ZNF365: variants seen among roughly 807,000 people sequenced by gnomAD.
ZNF365 encodes zinc finger protein 365.
A neutral mutation model predicts 35.0 loss-of-function variants in ZNF365; 22 were observed. That is an observed-to-expected ratio of 0.63 (90% confidence interval 0.45 to 0.90). The LOEUF is 0.90. ZNF365 is among the 40% of genes least tolerant of loss of function. ZNF365 has a pLI of 0.00. For synonymous variants in ZNF365, 188 were observed against 196.2 expected (o/e 0.96, Z 0.35); for missense variants, 448 against 500.3 (o/e 0.90, Z 1.00).
At chr10:62,404,261 A>G (rs1298782838), downstream of ZNF365, among the ~76,000 whole-genome samples, 3 of 152,228 alleles carry the variant, frequency 2.0e-5, no homozygotes, top group Non-Finnish European at 4.4e-5. Context: ...CTTTGGTACC[A>G]ATGTCCTGTG....
At chr10:62,419,580 T>C (rs1840134226) in intron 3 of ZNF365, among the ~76,000 whole-genome samples, 1 of 152,030 alleles carries the variant, frequency 6.6e-6, no homozygotes, top group Admixed American at 6.6e-5. Flanking sequence ...CACTGATTAA[T>C]GATTGGGTGC....
chr10:62,455,926 T>C (rs1043452246), intron 3 of ZNF365, among the ~76,000 whole-genome samples: 1 of 152,200 alleles, frequency 6.6e-6, no homozygotes, highest in African/African-American at 2.4e-5. Context: ...GCCTGTACCA[T>C]GAAATCGTGA....
intron 3 of ZNF365, among the ~76,000 whole-genome samples, chr10:62,394,940 G>A (rs772054402): frequency 5.3e-5 from 8 of 152,194 alleles, no homozygotes; most frequent in Non-Finnish European, 1.0e-4. Context: ...AGTGGAGAGA[G>A]TGAGATCCGG....
intron 3 of ZNF365, among the ~76,000 whole-genome samples, chr10:62,448,360 G>C (rs1056629509): frequency 2.6e-5 from 4 of 152,176 alleles, no homozygotes; most frequent in Admixed American, 2.0e-4. Context: ...AGCCTAGAGT[G>C]GGGGACAGCT....
intron 4 of ZNF365, among the ~76,000 whole-genome samples, chr10:62,463,598 A>G (rs1840883666): frequency 6.6e-6 from 1 of 152,270 alleles, no homozygotes; most frequent in South Asian, 2.1e-4. Flanking sequence ...TAATCAATGC[A>G]GTGCCTTTAG....
intron 3 of ZNF365, among the ~76,000 whole-genome samples, chr10:62,452,280 T>C (rs984356035): frequency 1.8e-4 from 27 of 152,124 alleles, no homozygotes; most frequent in Non-Finnish European, 2.4e-4. Flanking sequence ...TCTCCAGTGA[T>C]GGCCAGGCAT....
intron 2 of ZNF365, among the ~76,000 whole-genome samples, chr10:62,388,075 C>T (rs1448741793): frequency 6.6e-6 from 1 of 152,168 alleles, no homozygotes; most frequent in Non-Finnish European, 1.5e-5. Context: ...TTCAAAAGGT[C>T]GTTTCTAACT....
chr10:62,399,181 T>C (rs529022692), intron 4 of ZNF365, among the ~76,000 whole-genome samples: 1 of 152,362 alleles, frequency 6.6e-6, no homozygotes, highest in South Asian at 2.1e-4. Context: ...AGTCTGCTAG[T>C]CGTCACTTAA....
intron 3 of ZNF365, among the ~76,000 whole-genome samples, chr10:62,439,580 G>C (rs1461122742): frequency 1.3e-5 from 2 of 152,112 alleles, no homozygotes; most frequent in Non-Finnish European, 2.9e-5. Flanking sequence ...AATAGCTGTG[G>C]CTCTTCCTTT....
chr10:62,375,132 A>C (rs1229508937), intron 1 of ZNF365, among the ~76,000 whole-genome samples: 1 of 152,198 alleles, frequency 6.6e-6, no homozygotes, highest in Non-Finnish European at 1.5e-5. Context: ...ACATTTAAGT[A>C]GAAACCTTTC....
At chr10:62,441,578 G>A (rs577825327) in intron 3 of ZNF365, among the ~76,000 whole-genome samples, 1 of 152,084 alleles carries the variant, frequency 6.6e-6, no homozygotes, top group African/African-American at 2.4e-5. Context: ...TAAATCAGAT[G>A]CAAGGGCCTG....
At chr10:62,406,321 C>G (rs533100160), downstream of ZNF365, among the ~76,000 whole-genome samples, 7 of 152,282 alleles carry the variant, frequency 4.6e-5, no homozygotes, top group South Asian at 1.5e-3. Context: ...ATTGTCACTT[C>G]CAAGGCAGCT....
At chr10:62,474,468 A>G (rs1050491442) in intron 4 of ZNF365, among the ~76,000 whole-genome samples, 1 of 152,146 alleles carries the variant, frequency 6.6e-6, no homozygotes, top group African/African-American at 2.4e-5. Context: ...ACTCTTTGCC[A>G]TTTCGTGTGT....
intron 2 of ZNF365, among the ~76,000 whole-genome samples, chr10:62,384,687 C>T (rs1225286473): frequency 1.3e-5 from 2 of 152,164 alleles, no homozygotes; most frequent in African/African-American, 4.8e-5. Flanking sequence ...CTCAGATAAT[C>T]ATGGATATTT....
chr10:62,412,588 G>C (rs1169916820), intron 3 of ZNF365, among the ~76,000 whole-genome samples: 2 of 152,014 alleles, frequency 1.3e-5, no homozygotes, highest in Non-Finnish European at 2.9e-5. Flanking sequence ...AAAGTCTCAG[G>C]ATACAAAATC....
At chr10:62,420,855 T>A (rs1840156117) in intron 3 of ZNF365, among the ~76,000 whole-genome samples, 1 of 151,912 alleles carries the variant, frequency 6.6e-6, no homozygotes, top group Non-Finnish European at 1.5e-5. Flanking sequence ...CCATGCCAGC[T>A]CACTGCAACC....
At chr10:62,420,297 G>A (rs1840146229) in intron 3 of ZNF365, among the ~76,000 whole-genome samples, 1 of 152,132 alleles carries the variant, frequency 6.6e-6, no homozygotes, top group African/African-American at 2.4e-5. Flanking sequence ...ATATTTGTTA[G>A]AACATGCTTG....
intron 4 of ZNF365, among the ~76,000 whole-genome samples, chr10:62,478,232 G>A (rs1841163845): frequency 6.6e-6 from 1 of 152,166 alleles, no homozygotes; most frequent in African/African-American, 2.4e-5. Flanking sequence ...ATGGCACAGG[G>A]ACAAAGACCA....
In ZNF365 at chr10:62,465,897, A is replaced by G. The variant is rs557847406; in HGVS notation, c.981+6100A>G. Reference sequence around the variant, plus strand: ...CAACCCTTCTTGGGGCCCAGACCCCAGGGTTCCCTGAGCCAGAGCTGTTGT... The same window carrying G: ...CAACCCTTCTTGGGGCCCAGACCCCGGGGTTCCCTGAGCCAGAGCTGTTGT... On this transcript the variant is annotated intron_variant, in intron 4 of 4. Transcript: ENST00000395255. 8.5e-5 allele frequency among the ~76,000 whole-genome samples: 13 copies of G among 152,278 alleles called. No individual in the cohort carries two copies. In the South Asian group the frequency reaches 2.3e-3, roughly 27 times the overall value.
Sources: allele counts gnomAD v4.1 joint callset (sites outside exome capture counted in the v4.1 genomes callset), GRCh38; gene constraint gnomAD v4.1.1; transcripts MANE v1.5; gene names NCBI Gene and HGNC (gene_info 2026-07-23, HGNC 2026-07-21).